The following GCH1 variants were observed in gnomAD, a reference collection of about 807,000 sequenced individuals.
GCH1 encodes GTP cyclohydrolase I.
GCH1 carries 5 observed loss-of-function variants against 25.9 expected under a neutral mutation model. The ratio of observed to expected loss-of-function variants is 0.19; its 90% CI spans 0.10 to 0.41. GCH1 has a LOEUF of 0.41. Among genes scored for constraint, GCH1 ranks in the 10% least tolerant of loss-of-function variants. The pLI, the probability that GCH1 is intolerant of heterozygous loss-of-function variation, is 1.00. For missense variants in GCH1, 261 were observed against 336.5 expected (o/e 0.78, Z 1.75); for synonymous variants, 159 against 129.6 (o/e 1.23, Z -1.54).
At chr14:54,883,595 A>C (rs1211355262) in intron 1 of GCH1, among the ~76,000 whole-genome samples, 1 of 151,824 alleles carries the variant, frequency 6.6e-6, no homozygotes, top group Non-Finnish European at 1.5e-5. Flanking sequence ...AGGAGAATGG[A>C]GTGAACCCAG....
At chr14:54,854,470 A>C (rs1004675900) in intron 3 of GCH1, among the ~76,000 whole-genome samples, 2 of 151,864 alleles carry the variant, frequency 1.3e-5, no homozygotes, top group African/African-American at 4.8e-5. Context: ...CCCAAAATAC[A>C]CTCCAGATGG....
Position 54,842,947 on chromosome 14 carries a change from G to A in GCH1, c.*1070C>T, listed in dbSNP as rs1036983132. On this transcript the variant is annotated 3_prime_UTR_variant, in exon 6 of 6. Transcript: ENST00000491895. ...AGCTTCCAGTGCATTTTCACAGATCGTTGGTACGATACGCTTTGGTTAAAA... is the reference window on the plus strand; with the variant it reads ...AGCTTCCAGTGCATTTTCACAGATCATTGGTACGATACGCTTTGGTTAAAA... 2.1e-5 allele frequency: 14 copies of A among 682,432 alleles called. No homozygotes were observed. The Admixed American group carries it at 2.1e-4, about 10-fold the overall frequency. The allele number at this position is 682,432 out of a possible 1,614,324, so 42.3% of individuals were successfully genotyped here.
At chr14:54,893,065 C>A (rs2040443805) in intron 1 of GCH1, among the ~76,000 whole-genome samples, 1 of 152,222 alleles carries the variant, frequency 6.6e-6, no homozygotes, top group South Asian at 2.1e-4. Flanking sequence ...GGTGACAGAG[C>A]AAGACTCTGC....
intron 1 of GCH1, among the ~76,000 whole-genome samples, chr14:54,901,759 G>C (rs992032361): frequency 2.6e-5 from 4 of 151,828 alleles, no homozygotes; most frequent in African/African-American, 9.7e-5. Context: ...GAGTAAACTT[G>C]AGGTGGACAA....
At chr14:54,888,679 ATTT>A (rs58982226) in intron 1 of GCH1, among the ~76,000 whole-genome samples, 1 of 138,420 alleles carries the variant, frequency 7.2e-6, no homozygotes, top group African/African-American at 2.6e-5. Context: ...CGCCCGGCTA[ATTT>A]TTTTTTTTTT....
At chr14:54,863,686 G>A (rs762791398) in intron 2 of GCH1, among the ~76,000 whole-genome samples, 3 of 151,976 alleles carry the variant, frequency 2.0e-5, no homozygotes, top group Non-Finnish European at 4.4e-5. Context: ...AGTACATATC[G>A]TAGAATCTTT....
chr14:54,844,537 T>A (rs932841247), intron 5 of GCH1, among the ~76,000 whole-genome samples: 3 of 152,236 alleles, frequency 2.0e-5, no homozygotes, highest in Non-Finnish European at 2.9e-5. Flanking sequence ...TTGCTCTGCC[T>A]TCAGGACCAA....
intron 1 of GCH1, among the ~76,000 whole-genome samples, chr14:54,886,489 G>C (rs528872146): frequency 6.6e-6 from 1 of 152,134 alleles, no homozygotes; most frequent in East Asian, 1.9e-4. Context: ...GTGGGTGCCT[G>C]TAGTCCCAGC....
chr14:54,851,015 G>A (rs1391695493), intron 3 of GCH1, among the ~76,000 whole-genome samples: 2 of 152,170 alleles, frequency 1.3e-5, no homozygotes, highest in Non-Finnish European at 2.9e-5. Flanking sequence ...AAAACAGCAT[G>A]GTGCTGGTAC....
chr14:54,892,881 C>A (rs1258074286), intron 1 of GCH1, among the ~76,000 whole-genome samples: 2 of 150,516 alleles, frequency 1.3e-5, no homozygotes. Context: ...GACTTGGAGA[C>A]CAACCTGGCT....
chr14:54,846,124 T>C (rs1405915104), intron 4 of GCH1, among the ~76,000 whole-genome samples: 1 of 152,098 alleles, frequency 6.6e-6, no homozygotes, highest in Non-Finnish European at 1.5e-5. Context: ...ATAGCAATTA[T>C]CTCATACCTG....
chr14:54,881,047 A>T (rs2040264840), intron 1 of GCH1, among the ~76,000 whole-genome samples: 1 of 150,088 alleles, frequency 6.7e-6, no homozygotes, highest in Non-Finnish European at 1.5e-5. Flanking sequence ...CTGGTCTTGA[A>T]CTCCCAGCCT....
Position 54,900,845 on chromosome 14 carries a change from TCACACACACACACACA to T in GCH1, c.343+1460_343+1475del, listed in dbSNP as rs3221690. Among the ~76,000 whole-genome samples the T allele has an allele frequency of 2.9e-3, 417 of 144,736 alleles. 1 individual carries two copies. The highest frequency in any genetic ancestry group is 9.6e-3 in the African/African-American group (377 of 39,126). 95.0% of individuals were successfully genotyped at this position (144,736 alleles called of 152,430 possible). A position where few individuals can be genotyped will look rare whatever the true frequency, so the allele number is the denominator to read the frequency against. Reference sequence around the variant, plus strand: ...ACATTTCATTACATTGTGAAATATCTCACACACACACACACACACACACACACACACACACACACAC... The same window carrying T: ...ACATTTCATTACATTGTGAAATATCTCACACACACACACACACACACACAC... On this transcript the variant is annotated intron_variant, in intron 1 of 5. Coordinates refer to ENST00000491895, the MANE Select transcript of GCH1 (RefSeq NM_000161.3).
At position 54,890,718 on chromosome 14, in the gene GCH1, T is replaced by C. The variant is rs1203050492; in HGVS notation, c.343+11603A>G. ...ATTTTAACTCTGGTACAGGTAACTA[T>C]GAATGTTAGTGTATGCCTTTTATTG... is the stretch of plus-strand genomic sequence containing the variant. On this transcript the variant is annotated intron_variant, in intron 1 of 5. Coordinates refer to ENST00000491895, the MANE Select transcript of GCH1 (RefSeq NM_000161.3). Among the ~76,000 whole-genome samples, 3 of 152,228 alleles carry C rather than the reference T, an allele frequency of 2.0e-5. No individual in the cohort carries two copies. In the East Asian group the frequency reaches 5.8e-4, roughly 29 times the overall value.
chr14:54,901,594 C>A (rs1388207188), intron 1 of GCH1, among the ~76,000 whole-genome samples: 2 of 152,170 alleles, frequency 1.3e-5, no homozygotes, highest in Non-Finnish European at 2.9e-5. Flanking sequence ...ACGGAGCCCT[C>A]CGAATCCCGG....
chr14:54,872,627 G>A (rs1316569722), intron 1 of GCH1, among the ~76,000 whole-genome samples: 1 of 152,110 alleles, frequency 6.6e-6, no homozygotes, highest in Non-Finnish European at 1.5e-5. Flanking sequence ...GACACACATA[G>A]GCTCAAAATA....
At chr14:54,889,048 A>G (rs1327552096) in intron 1 of GCH1, among the ~76,000 whole-genome samples, 1 of 152,228 alleles carries the variant, frequency 6.6e-6, no homozygotes, top group African/African-American at 2.4e-5. Flanking sequence ...TGGGATAAGT[A>G]TGGCCTCCGT....
intron 1 of GCH1, chr14:54,886,182 G>A (rs1168796404): frequency 1.3e-5 from 2 of 157,616 alleles, no homozygotes; most frequent in Non-Finnish European, 1.4e-5. Flanking sequence ...GCTTTTCTTG[G>A]GCATACATAT....
rs530569407 is a variant in GCH1, at chr14:54,846,881, T to C, written c.541+218A>G. Among the ~76,000 whole-genome samples, 11 of 152,170 alleles carry C rather than the reference T, an allele frequency of 7.2e-5. No homozygotes were observed. The South Asian group carries it at 2.3e-3, about 32-fold the overall frequency. ...TTCGAGACCAGCCTGATCAATATGGTGAAACCCCGTCTCTACTAGAAATAC... is the reference window on the plus strand; with the variant it reads ...TTCGAGACCAGCCTGATCAATATGGCGAAACCCCGTCTCTACTAGAAATAC... On this transcript the variant is annotated intron_variant, in intron 4 of 5. Transcript: ENST00000491895.
Sources: allele counts gnomAD v4.1 joint callset (sites outside exome capture counted in the v4.1 genomes callset), GRCh38; gene constraint gnomAD v4.1.1; transcripts MANE v1.5; gene names NCBI Gene and HGNC (gene_info 2026-07-23, HGNC 2026-07-21).